Variants in PALD1 observed in about 807,000 individuals in gnomAD.
PALD1 encodes paladin.
In PALD1, 57 loss-of-function variants were observed where a neutral mutation model predicts 96.0. The ratio of observed to expected loss-of-function variants is 0.59; its 90% CI spans 0.48 to 0.74. The LOEUF (loss-of-function observed/expected upper bound fraction) is 0.74. PALD1 is among the 30% of genes least tolerant of loss of function. The pLI, the probability that PALD1 is intolerant of heterozygous loss-of-function variation, is 0.00. For missense variants in PALD1, 1,063 were observed against 1,143.7 expected (o/e 0.93, Z 1.02); for synonymous variants, 464 against 473.6 (o/e 0.98, Z 0.26).
At chr10:70,561,788 A>G (rs74141908) in intron 18 of PALD1, among the ~76,000 whole-genome samples, 1 of 150,176 alleles carries the variant, frequency 6.7e-6, no homozygotes, top group East Asian at 2.0e-4. Context: ...TTCCCTGGGG[A>G]CTCACCTCAT....
intron 7 of PALD1, among the ~76,000 whole-genome samples, chr10:70,533,341 G>T (rs1306318986): frequency 6.6e-6 from 1 of 151,852 alleles, no homozygotes; most frequent in African/African-American, 2.4e-5. Flanking sequence ...CTCTGTGTGG[G>T]GATACATGTG....
intron 19 of PALD1, 83 bp downstream of exon 19, chr10:70,564,602 A>C: frequency 7.3e-7 from 1 of 1,375,330 alleles, no homozygotes; most frequent in Non-Finnish European, 1.0e-6. Context: ...GTGCCTGTAC[A>C]TGGCCTGCGG....
intron 9 of PALD1, 85 bp downstream of exon 9, chr10:70,534,609 C>A: frequency 8.6e-7 from 1 of 1,163,704 alleles, no homozygotes; most frequent in Non-Finnish European, 1.3e-6. Flanking sequence ...TCTTCCTTCC[C>A]GATACCCTCC....
In PALD1 at chr10:70,560,524, G is replaced by A. The variant is rs184277247; in HGVS notation, c.2263-3840G>A. ...TCCTTCACTGGGTTGCTAGGAGAAT[G>A]TGTTAGGGTCTAATCCTCAGGTCAG... On this transcript the variant is annotated intron_variant, in intron 18 of 19. Coordinates refer to ENST00000263563, the MANE Select transcript of PALD1 (RefSeq NM_014431.3). Among the ~76,000 whole-genome samples the A allele has an allele frequency of 4.6e-5, 7 of 152,242 alleles. No homozygotes were observed. The East Asian group carries it at 1.4e-3, about 29-fold the overall frequency.
At chr10:70,474,820 C>T (rs1845803126), upstream of PALD1, among the ~76,000 whole-genome samples, 1 of 152,138 alleles carries the variant, frequency 6.6e-6, no homozygotes, top group African/African-American at 2.4e-5. Context: ...AACATGTATC[C>T]TGCGCCAGAT....
At chr10:70,520,029 C>G (rs1846697771) in intron 1 of PALD1, among the ~76,000 whole-genome samples, 1 of 152,136 alleles carries the variant, frequency 6.6e-6, no homozygotes, top group Admixed American at 6.5e-5. Context: ...GCGATAGGGT[C>G]TTGCAGCAAC....
chr10:70,466,762 T>C, the PALD1 span, among the ~76,000 whole-genome samples: 4 of 152,130 alleles, frequency 2.6e-5, no homozygotes, highest in South Asian at 8.3e-4. Context: ...CGTGAGAGAA[T>C]GTGGAACACT....
intron 18 of PALD1, among the ~76,000 whole-genome samples, chr10:70,552,913 G>T (rs888588111): frequency 6.6e-6 from 1 of 152,126 alleles, no homozygotes; most frequent in Non-Finnish European, 1.5e-5. Context: ...AAATATATTT[G>T]TGAGGTAAAC....
chr10:70,524,699 A>G (rs1717083550), intron 1 of PALD1, among the ~76,000 whole-genome samples: 1 of 152,170 alleles, frequency 6.6e-6, no homozygotes, highest in Non-Finnish European at 1.5e-5. Flanking sequence ...GCTCTGTCCT[A>G]GATGTCTTTC....
chr10:70,493,470 T>C (rs1846132739), intron 1 of PALD1, among the ~76,000 whole-genome samples: 1 of 152,198 alleles, frequency 6.6e-6, no homozygotes, highest in African/African-American at 2.4e-5. Flanking sequence ...CTGTCTGTCT[T>C]TTGTGTCGCT....
intron 1 of PALD1, among the ~76,000 whole-genome samples, chr10:70,509,545 G>A (rs1187587992): frequency 6.6e-6 from 1 of 152,190 alleles, no homozygotes; most frequent in East Asian, 1.9e-4. Flanking sequence ...GAAACACCAG[G>A]CCACCGGGGT....
chr10:70,507,623 C>T (rs1428247393), intron 1 of PALD1, among the ~76,000 whole-genome samples: 4 of 152,108 alleles, frequency 2.6e-5, no homozygotes, highest in Non-Finnish European at 5.9e-5. Flanking sequence ...GGTTTCGCCA[C>T]GTTGCCCAGG....
chr10:70,558,084 A>G (rs1847649946), intron 18 of PALD1, among the ~76,000 whole-genome samples: 1 of 151,770 alleles, frequency 6.6e-6, no homozygotes, highest in African/African-American at 2.4e-5. Flanking sequence ...CTGGGGCTAC[A>G]GGCATGTGCC....
chr10:70,468,471 T>A, the PALD1 span, among the ~76,000 whole-genome samples: 4 of 152,226 alleles, frequency 2.6e-5, no homozygotes, highest in Middle Eastern at 0.01. Context: ...CTCAAACTCC[T>A]GACCTCAGGT....
intron 1 of PALD1, among the ~76,000 whole-genome samples, chr10:70,505,768 C>T (rs1442425657): frequency 6.6e-6 from 1 of 152,152 alleles, no homozygotes; most frequent in East Asian, 1.9e-4. Flanking sequence ...CGTCTGTAGT[C>T]CCAGCATTTT....
At chr10:70,543,752 T>C (rs1847302819) in intron 17 of PALD1, among the ~76,000 whole-genome samples, 1 of 152,184 alleles carries the variant, frequency 6.6e-6, no homozygotes, top group Non-Finnish European at 1.5e-5. Context: ...TTGAATGTGA[T>C]GGTCAGGCCT....
At position 70,500,046 on chromosome 10, in the gene PALD1, G is replaced by A. The variant is rs149011403; in HGVS notation, c.-30+20987G>A. ...GTGGGCATGGACTTCACTGACAGGT[G>A]TTGAAGCATAGAGAGGTGGAGCTTC... On this transcript the variant is annotated intron_variant, in intron 1 of 19. Transcript: ENST00000263563. 1.2e-3 allele frequency among the ~76,000 whole-genome samples: 183 copies of A among 152,300 alleles called. 1 individual carries two copies. The highest frequency in any genetic ancestry group is 4.3e-3 in the African/African-American group (180 of 41,566).
intron 1 of PALD1, among the ~76,000 whole-genome samples, chr10:70,498,652 C>T (rs984808393): frequency 5.3e-5 from 8 of 151,168 alleles, no homozygotes; most frequent in South Asian, 2.1e-4. Context: ...ACAGACTGGG[C>T]GCGGTGGCTC....
At chr10:70,526,158 C>T (rs746104974) in intron 2 of PALD1, 22 bp downstream of exon 2, 3 of 1,604,742 alleles carry the variant, frequency 1.9e-6, no homozygotes, top group Admixed American at 1.7e-5. Flanking sequence ...GGGGAGTGTG[C>T]CCATGTCCCT....
Sources: allele counts gnomAD v4.1 joint callset (sites outside exome capture counted in the v4.1 genomes callset), GRCh38; gene constraint gnomAD v4.1.1; transcripts MANE v1.5; gene names NCBI Gene and HGNC (gene_info 2026-07-23, HGNC 2026-07-21).